The following FMNL2 variants were observed in gnomAD, a reference collection of about 807,000 sequenced individuals.
The protein encoded by FMNL2 is formin like 2.
Under a neutral mutation model 130.2 loss-of-function variants are expected in FMNL2, and 51 were observed. The observed-to-expected ratio is 0.39, with a 90% confidence interval of 0.31 to 0.49. The LOEUF (loss-of-function observed/expected upper bound fraction) is 0.49. Among genes scored for constraint, FMNL2 ranks in the 20% least tolerant of loss-of-function variants. The probability of loss-of-function intolerance (pLI) is 0.85; values close to 1 mark genes in which losing one functional copy is unlikely to be tolerated. For missense variants in FMNL2, 977 were observed against 1,316.2 expected (o/e 0.74, Z 3.99); for synonymous variants, 465 against 467.1 (o/e 1.00, Z 0.06).
intron 4 of FMNL2, among the ~76,000 whole-genome samples, chr2:152,552,832 T>C (rs999356733): frequency 6.6e-6 from 1 of 152,334 alleles, no homozygotes; most frequent in East Asian, 1.9e-4. Flanking sequence ...ATTTAAATGG[T>C]GGTGAGGGTG....
chr2:152,493,144 G>A (rs1036728237), intron 1 of FMNL2, among the ~76,000 whole-genome samples: 2 of 152,128 alleles, frequency 1.3e-5, no homozygotes, highest in African/African-American at 4.8e-5. Context: ...GTATGGGGCA[G>A]CCTATAAGAG....
intron 9 of FMNL2, among the ~76,000 whole-genome samples, chr2:152,585,202 T>G (rs921279442): frequency 6.6e-6 from 1 of 152,114 alleles, no homozygotes; most frequent in Non-Finnish European, 1.5e-5. Flanking sequence ...ACACATCTGG[T>G]TTTGTGTTGA....
At chr2:152,549,231 C>T (rs992470804) in intron 4 of FMNL2, 134 bp downstream of exon 4, 2 of 534,690 alleles carry the variant, frequency 3.7e-6, no homozygotes, top group Non-Finnish European at 6.3e-6. Flanking sequence ...TAGATGAAAC[C>T]TTGTTAGTAC....
chr2:152,612,263 G>A (rs1416294602), intron 11 of FMNL2, among the ~76,000 whole-genome samples: 1 of 152,208 alleles, frequency 6.6e-6, no homozygotes, highest in Non-Finnish European at 1.5e-5. Context: ...GCTCACACCT[G>A]TAATTCCAGC....
At position 152,614,740 on chromosome 2, in the gene FMNL2, C is replaced by CACAAAACAAAACAAAACAAAACAAA. The variant is rs1464132971; in HGVS notation, c.1063-111_1063-110insACAAAACAAAACAAAACAAAACAAA. 4,205 of 723,908 alleles carry CACAAAACAAAACAAAACAAAACAAA rather than the reference C, an allele frequency of 5.8e-3. 34 individuals carry two copies. Among genetic ancestry groups the CACAAAACAAAACAAAACAAAACAAA allele is most frequent in the Middle Eastern group, 0.036 (80 of 2,234 alleles). The allele number at this position is 723,908 out of a possible 1,614,324, so 44.8% of individuals were successfully genotyped here. A position where few individuals can be genotyped will look rare whatever the true frequency, so the allele number is the denominator to read the frequency against. The stretch of plus-strand genomic sequence containing the variant: ...CCTGGGTGACAGAGTGAAACTCCAT[C>CACAAAACAAAACAAAACAAAACAAA]TCAAAACAAAACAAAACAAAACAAA... On this transcript the variant is annotated intron_variant, in intron 11 of 25. Coordinates refer to ENST00000288670, the MANE Select transcript of FMNL2 (RefSeq NM_052905.4).
chr2:152,475,806 G>T (rs200848028), intron 1 of FMNL2, among the ~76,000 whole-genome samples: 1 of 152,054 alleles, frequency 6.6e-6, no homozygotes, highest in East Asian at 1.9e-4. Context: ...GCCAAGAATA[G>T]ATTTTTAACA....
At chr2:152,623,528 G>A (rs1214534919) in intron 15 of FMNL2, among the ~76,000 whole-genome samples, 1 of 152,118 alleles carries the variant, frequency 6.6e-6, no homozygotes, top group East Asian at 1.9e-4. Context: ...TGTTTAAATG[G>A]CCTTTGTAAC....
At chr2:152,453,980 A>G (rs1160251121) in intron 1 of FMNL2, among the ~76,000 whole-genome samples, 1 of 152,218 alleles carries the variant, frequency 6.6e-6, no homozygotes, top group Non-Finnish European at 1.5e-5. Context: ...TATTAGATTT[A>G]TATGTTTTCT....
At chr2:152,590,016 CATATATAT>C (rs1207399893) in intron 9 of FMNL2, among the ~76,000 whole-genome samples, 536 of 52,034 alleles carry the variant, frequency 0.01, 2 homozygotes, top group African/African-American at 0.032. Flanking sequence ...TATACATATA[CATATATAT>C]ATACATATAC....
intron 6 of FMNL2, among the ~76,000 whole-genome samples, chr2:152,565,039 G>C (rs56971749): frequency 6.6e-6 from 1 of 152,228 alleles, no homozygotes; most frequent in East Asian, 1.9e-4. Context: ...CTTCGGTTAA[G>C]ATAGGTTTCT....
chr2:152,344,483 A>G (rs1005886762), intron 1 of FMNL2, among the ~76,000 whole-genome samples: 17 of 152,248 alleles, frequency 1.1e-4, no homozygotes, highest in Non-Finnish European at 2.2e-4. Context: ...AAAAAAATGA[A>G]AGATATTTGA....
At chr2:152,462,806 C>T (rs1286348003) in intron 1 of FMNL2, among the ~76,000 whole-genome samples, 1 of 152,136 alleles carries the variant, frequency 6.6e-6, no homozygotes, top group African/African-American at 2.4e-5. Context: ...TGTCTTAAAC[C>T]TGGATCTCAT....
At chr2:152,432,753 C>CT (rs1167024103) in intron 1 of FMNL2, among the ~76,000 whole-genome samples, 1 of 152,214 alleles carries the variant, frequency 6.6e-6, no homozygotes, top group African/African-American at 2.4e-5. Context: ...TCTTGGGACT[C>CT]TAACAAATTT....
intron 9 of FMNL2, among the ~76,000 whole-genome samples, chr2:152,584,984 C>A (rs529288005): frequency 6.6e-6 from 1 of 152,120 alleles, no homozygotes; most frequent in Admixed American, 6.5e-5. Context: ...CCTGATGTCA[C>A]TGAGCAAACA....
intron 1 of FMNL2, among the ~76,000 whole-genome samples, chr2:152,424,766 C>G (rs187425330): frequency 4.6e-5 from 7 of 152,158 alleles, no homozygotes; most frequent in African/African-American, 1.2e-4. Context: ...GTTCAAGACC[C>G]TTTTAACTTA....
intron 2 of FMNL2, among the ~76,000 whole-genome samples, chr2:152,522,800 G>A (rs1558935567): frequency 6.6e-6 from 1 of 152,104 alleles, no homozygotes; most frequent in Admixed American, 6.5e-5. Flanking sequence ...TATCAGCAGT[G>A]CAAAAACAGA....
chr2:152,526,715 C>T (rs1693407677), intron 2 of FMNL2, among the ~76,000 whole-genome samples: 1 of 151,952 alleles, frequency 6.6e-6, no homozygotes, highest in African/African-American at 2.4e-5. Flanking sequence ...TCTTTTGACC[C>T]TTAGTTTTCT....
intron 1 of FMNL2, among the ~76,000 whole-genome samples, chr2:152,394,462 G>A (rs1379812062): frequency 6.6e-6 from 1 of 151,968 alleles, no homozygotes; most frequent in Non-Finnish European, 1.5e-5. Flanking sequence ...TTTCATTTAT[G>A]TTCAAGAAGT....
chr2:152,593,018 T>G (rs967057228), intron 9 of FMNL2, among the ~76,000 whole-genome samples: 3 of 152,078 alleles, frequency 2.0e-5, no homozygotes, highest in African/African-American at 7.2e-5. Flanking sequence ...CTGAGCAGGG[T>G]GATCAGGAAG....
Sources: gnomAD v4.1 joint callset for allele counts (sites outside exome capture counted in the v4.1 genomes callset) on GRCh38, gnomAD v4.1.1 for gene constraint, MANE v1.5 for transcripts, NCBI Gene and HGNC (gene_info 2026-07-23, HGNC 2026-07-21) for gene names.